Variants in KCNK2 observed in about 807,000 individuals in gnomAD.
The protein encoded by KCNK2 is potassium two pore domain channel subfamily K member 2, also known as potassium channel subfamily K member 2.
A neutral mutation model predicts 40.5 loss-of-function variants in KCNK2; 21 were observed. The observed-to-expected ratio is 0.52, with a 90% CI of 0.37 to 0.75. The LOEUF is 0.75. KCNK2 is among the 30% of genes least tolerant of loss of function. KCNK2 has a pLI of 0.00. For synonymous variants in KCNK2, 191 were observed against 202.2 expected, an observed-to-expected ratio of 0.94 and a Z score of 0.47; for missense variants, 399 against 531.6, an observed-to-expected ratio of 0.75 and a Z score of 2.45.
At chr1:215,153,582 T>TATATA (rs1558115544) in intron 3 of KCNK2, among the ~76,000 whole-genome samples, 1 of 129,806 alleles carries the variant, frequency 7.7e-6, no homozygotes, top group Non-Finnish European at 1.6e-5. Flanking sequence ...ATATATATAT[T>TATATA]TTTTTTTCTC....
chr1:215,141,052 A>AT (rs1299099240), intron 3 of KCNK2, among the ~76,000 whole-genome samples: 3 of 151,964 alleles, frequency 2.0e-5, no homozygotes, highest in Non-Finnish European at 2.9e-5. Flanking sequence ...ACTAGCCTAG[A>AT]CCTACACAGG....
intron 2 of KCNK2, among the ~76,000 whole-genome samples, chr1:215,122,960 G>T (rs1661259099): frequency 6.6e-6 from 1 of 151,642 alleles, no homozygotes; most frequent in Non-Finnish European, 1.5e-5. Context: ...TAGCCAGGAT[G>T]GTCTCGATCT....
chr1:215,138,809 A>G (rs1393768712), intron 3 of KCNK2, among the ~76,000 whole-genome samples: 1 of 152,082 alleles, frequency 6.6e-6, no homozygotes, highest in African/African-American at 2.4e-5. Context: ...CTTCGCATAC[A>G]CTCTTTGTCT....
rs758937019 is a variant in KCNK2 at position 215,124,715 on chromosome 1, C to T, written c.440C>T (p.Ser147Phe). The T allele has an allele frequency of 6.2e-7, 1 of 1,611,446 alleles. No individual in the cohort carries two copies. The highest frequency in any genetic ancestry group is 8.5e-7 in the Non-Finnish European group (1 of 1,177,686). The change falls in exon 3 of 7, where the codon TCC becomes TTC. Residue 147 changes from serine (S) to phenylalanine (F), a missense_variant. By Grantham distance (155) the Ser-to-Phe change is radical. Coordinates refer to ENST00000444842, the MANE Select transcript of KCNK2 (RefSeq NM_001017425.3). ...NQISHWDLGS[S>F]FFFAGTVITT... ...ATCAGTCACTGGGATTTGGGAAGTT[C>T]CTTCTTCTTTGCTGGCACTGTTATT...
chr1:215,120,356 T>C (rs575445776), intron 2 of KCNK2, among the ~76,000 whole-genome samples: 1 of 152,326 alleles, frequency 6.6e-6, no homozygotes, highest in Admixed American at 6.5e-5. Flanking sequence ...TTATCTTTTC[T>C]CATCTACAAC....
chr1:215,120,328 G>A (rs929145054), intron 2 of KCNK2, among the ~76,000 whole-genome samples: 14 of 152,028 alleles, frequency 9.2e-5, no homozygotes, highest in Non-Finnish European at 1.3e-4. Context: ...TAATGGGGGC[G>A]GAGTCTGAAG....
intron 1 of KCNK2, among the ~76,000 whole-genome samples, chr1:215,018,197 T>C (rs564492828): frequency 6.6e-6 from 1 of 152,192 alleles, no homozygotes; most frequent in Non-Finnish European, 1.5e-5. Flanking sequence ...AAATCTTCAG[T>C]ATTAAAATTG....
intron 1 of KCNK2, among the ~76,000 whole-genome samples, chr1:215,045,006 TA>T (rs34224132): frequency 0.99 from 150,180 of 151,810 alleles, 74,308 homozygotes; most frequent in East Asian, 1. Context: ...GCGTCTCTAC[TA>T]AAAAAAACAA....
intron 3 of KCNK2, among the ~76,000 whole-genome samples, chr1:215,149,071 GA>G (rs1424829508): frequency 2.6e-5 from 4 of 152,192 alleles, no homozygotes; most frequent in Non-Finnish European, 5.9e-5. Flanking sequence ...TGAAACTACA[GA>G]ATATCAAAAC....
At chr1:215,034,514 T>G (rs1657318483) in intron 1 of KCNK2, among the ~76,000 whole-genome samples, 1 of 151,938 alleles carries the variant, frequency 6.6e-6, no homozygotes, top group Admixed American at 6.6e-5. Context: ...TTTGAAGGGG[T>G]TTTTATCATT....
At chr1:215,148,611 T>C (rs944033615) in intron 3 of KCNK2, among the ~76,000 whole-genome samples, 1 of 152,132 alleles carries the variant, frequency 6.6e-6, no homozygotes, top group Non-Finnish European at 1.5e-5. Context: ...ATACAAGATA[T>C]ATAAAGGAAA....
intron 2 of KCNK2, among the ~76,000 whole-genome samples, chr1:215,099,157 C>T (rs932396914): frequency 6.6e-6 from 1 of 151,876 alleles, no homozygotes; most frequent in Non-Finnish European, 1.5e-5. Flanking sequence ...CTGATTCTAT[C>T]CCTCAGCCCA....
chr1:215,017,508 G>T (rs1656633987), intron 1 of KCNK2, among the ~76,000 whole-genome samples: 1 of 152,100 alleles, frequency 6.6e-6, no homozygotes, highest in Non-Finnish European at 1.5e-5. Flanking sequence ...ACTATTACAT[G>T]ACTTCACTTA....
At position 215,059,432 on chromosome 1, in the gene KCNK2, G is replaced by GA. The variant is rs1658292473; in HGVS notation, c.35-26936_35-26935insA. Among the ~76,000 whole-genome samples the GA allele has an allele frequency of 1.4e-4, 19 of 138,316 alleles. No individual in the cohort carries two copies. In the South Asian group the frequency reaches 5.8e-3, roughly 42 times the overall value. 90.7% of individuals were successfully genotyped at this position (138,316 alleles called of 152,430 possible). Reference sequence around the variant, plus strand: ...AGCCTTCCGAGTGCTCCCTTAATTTGGTAAGTTAGTAATGAGTAAAATTTG... The same window carrying GA: ...AGCCTTCCGAGTGCTCCCTTAATTTGAGTAAGTTAGTAATGAGTAAAATTTG... On this transcript the variant is annotated intron_variant, in intron 1 of 6. Coordinates refer to the KCNK2 transcript ENST00000391895.
intron 1 of KCNK2, among the ~76,000 whole-genome samples, chr1:215,036,895 A>C (rs1392378858): frequency 6.6e-6 from 1 of 151,652 alleles, no homozygotes; most frequent in Non-Finnish European, 1.5e-5. Flanking sequence ...TGATAAATTC[A>C]CTTATTTGTT....
In KCNK2 at chr1:215,172,568, G is replaced by C. The variant is rs149542660; in HGVS notation, c.823+385G>C. Among the ~76,000 whole-genome samples the C allele has an allele frequency of 8.4e-3, 1,275 of 152,200 alleles. 13 individuals are homozygous for C. The highest frequency in any genetic ancestry group is 0.037 in the Middle Eastern group (11 of 294). On this transcript the variant is annotated intron_variant, in intron 5 of 6. Coordinates refer to ENST00000444842, the MANE Select transcript of KCNK2 (RefSeq NM_001017425.3). ...TTCCCTTCTGCTTATAAGCATACCA[G>C]TCAAATTATATTATAGGCCCATCCT... is the stretch of plus-strand genomic sequence containing the variant.
chr1:215,056,785 A>C (rs988356995), intron 1 of KCNK2, among the ~76,000 whole-genome samples: 4 of 152,010 alleles, frequency 2.6e-5, no homozygotes, highest in Non-Finnish European at 5.9e-5. Flanking sequence ...CAGGATGTAC[A>C]TGGGGTAAAA....
At chr1:215,060,317 G>C (rs1372245207) in intron 1 of KCNK2, among the ~76,000 whole-genome samples, 1 of 152,184 alleles carries the variant, frequency 6.6e-6, no homozygotes. Flanking sequence ...TGATACTTCA[G>C]AGGCATCAGC....
chr1:215,193,830 T>A (rs893914806), intron 5 of KCNK2, among the ~76,000 whole-genome samples: 3 of 152,216 alleles, frequency 2.0e-5, no homozygotes, highest in African/African-American at 7.2e-5. Context: ...ATCTGCTCTT[T>A]GGCCCAATAC....
Sources: allele counts gnomAD v4.1 joint callset (sites outside exome capture counted in the v4.1 genomes callset), GRCh38; gene constraint gnomAD v4.1.1; transcripts MANE v1.5; gene names NCBI Gene and HGNC (gene_info 2026-07-23, HGNC 2026-07-21).